RTN4: variants seen among roughly 807,000 people sequenced by gnomAD.
RTN4 encodes reticulon-4.
RTN4 carries 32 observed loss-of-function variants against 90.4 expected under a neutral mutation model. That is an observed-to-expected ratio of 0.35 (90% CI 0.27 to 0.48). The LOEUF is 0.48. Ranked by LOEUF, RTN4 falls within the 20% of genes least tolerant of loss-of-function variation. The pLI is 0.99. For synonymous variants in RTN4, 629 were observed against 552.5 expected (o/e 1.14, Z -1.94); for missense variants, 1,706 against 1,430.2 (o/e 1.19, Z -3.11).
At chr2:55,056,066 C>T (rs957314617) in intron 2 of RTN4, among the ~76,000 whole-genome samples, 7 of 151,476 alleles carry the variant, frequency 4.6e-5, no homozygotes, top group Middle Eastern at 3.4e-3. Context: ...TTTCACTTTC[C>T]GTGGTCTTAG....
At chr2:55,036,149 G>A (rs565054351) in intron 1 of RTN4, among the ~76,000 whole-genome samples, 9 of 152,140 alleles carry the variant, frequency 5.9e-5, no homozygotes, top group South Asian at 2.1e-4. Flanking sequence ...GATATAACAC[G>A]AAAATTAAAA....
intron 1 of RTN4, among the ~76,000 whole-genome samples, chr2:55,103,520 G>A (rs1667889585): frequency 6.6e-6 from 1 of 151,966 alleles, no homozygotes; most frequent in Non-Finnish European, 1.5e-5. Context: ...TAATAATAAA[G>A]GGGCTGGGAG....
In RTN4 at chr2:55,025,670, G is replaced by A. The variant is rs1681791338; in HGVS notation, c.2429C>T (p.Thr810Ile). 6.2e-7 allele frequency: 1 copy of A among 1,613,780 alleles called. No individual in the cohort carries two copies. Among genetic ancestry groups the A allele is most frequent in the African/African-American group, 1.3e-5 (1 of 75,016 alleles). ...TTCATCAGGTAACAGGGTATCTTTT[G>A]TGTTATCTAAACTGAGCTTAAAAGA... ...LESFKLSLDN[T>I]KDTLLPDEVS... The change falls in exon 3 of 9, where the codon ACA (threonine) becomes ATA (isoleucine). Residue 810 changes from threonine to isoleucine, a missense_variant. Transcript: ENST00000337526.
chr2:54,988,169 TA>T (rs927864534), intron 3 of RTN4, among the ~76,000 whole-genome samples: 1 of 151,714 alleles, frequency 6.6e-6, no homozygotes, highest in Admixed American at 6.6e-5. Flanking sequence ...ATACAAAAAT[TA>T]GTGAGGCATG....
chr2:55,025,391 G>A lies in RTN4; in HGVS notation c.2708C>T (p.Ala903Val), dbSNP rs1025050894. ...EVSHKSEIAN[A>V]PDGAGSLPCT... Reference sequence around the variant, plus strand: ...AGGCAATGACCCAGCTCCATCCGGGGCATTAGCAATTTCACTTTTGTGGGA... The same window carrying A: ...AGGCAATGACCCAGCTCCATCCGGGACATTAGCAATTTCACTTTTGTGGGA... The change falls in exon 3 of 9, where the codon GCC (alanine) becomes GTC (valine). Residue 903 changes from alanine (A) to valine (V), a missense_variant. Transcript: ENST00000337526. 1.9e-6 allele frequency: 3 copies of A among 1,613,864 alleles called. No individual in the cohort carries two copies. The highest frequency in any genetic ancestry group is 2.2e-5 in the East Asian group (1 of 44,876).
chr2:54,991,638 G>A (rs976665987), intron 3 of RTN4, among the ~76,000 whole-genome samples: 8 of 152,142 alleles, frequency 5.3e-5, no homozygotes, highest in Non-Finnish European at 1.2e-4. Context: ...CCCTGTCAGT[G>A]GATCCAAACC....
chr2:55,008,055 A>G (rs1680362671), intron 3 of RTN4, among the ~76,000 whole-genome samples: 2 of 152,154 alleles, frequency 1.3e-5, no homozygotes, highest in South Asian at 4.2e-4. Context: ...TAAACAGAAA[A>G]TATGAAGAAT....
intron 1 of RTN4, among the ~76,000 whole-genome samples, chr2:55,101,833 A>C (rs188951693): frequency 9.9e-5 from 15 of 152,282 alleles, no homozygotes; most frequent in African/African-American, 2.6e-4. Context: ...TTTTCACTAC[A>C]TAAGAGCTAA....
At position 55,096,065 on chromosome 2, in the gene RTN4, A is replaced by C. The variant is rs138548716; in HGVS notation, c.-213-15426T>G. The stretch of plus-strand genomic sequence containing the variant: ...CATGCTGGGCCGGGTATGGTGGCTC[A>C]CGCCTGTTCCTAGCACTTTGGGAGG... On this transcript the variant is annotated intron_variant, in intron 1 of 3. Transcript: ENST00000427710. Among the ~76,000 whole-genome samples the C allele has an allele frequency of 2.0e-3, 302 of 152,178 alleles. 3 individuals carry two copies. The East Asian group carries it at 0.032, about 16-fold the overall frequency.
upstream of RTN4, among the ~76,000 whole-genome samples, chr2:55,115,638 G>C (rs939809603): frequency 6.6e-6 from 1 of 152,214 alleles, no homozygotes; most frequent in Non-Finnish European, 1.5e-5. Flanking sequence ...GCCCAAGAAA[G>C]CAGTCTGCTC....
intron 3 of RTN4, among the ~76,000 whole-genome samples, chr2:55,017,079 CA>C (rs1045362939): frequency 6.6e-6 from 1 of 152,066 alleles, no homozygotes; most frequent in African/African-American, 2.4e-5. Flanking sequence ...CCTTTATTAA[CA>C]AGAGTCAGGT....
rs147993293 is a variant in RTN4 at position 55,007,794 on chromosome 2, A to G, written c.3013+17292T>C. 4.2e-3 allele frequency among the ~76,000 whole-genome samples: 639 copies of G among 152,196 alleles called. 7 individuals are homozygous for G. The highest frequency in any genetic ancestry group is 0.015 in the African/African-American group (619 of 41,548). On this transcript the variant is annotated intron_variant, in intron 3 of 8. Transcript: ENST00000337526. ...CTAATCTAGTTCATCTAAATTTTCT[A>G]CATTCCTTGACCACACCAATCTTAT...
chr2:55,031,472 C>A (rs1185328639), intron 1 of RTN4, among the ~76,000 whole-genome samples: 1 of 152,200 alleles, frequency 6.6e-6, no homozygotes, highest in Non-Finnish European at 1.5e-5. Context: ...CCTCTTAAAC[C>A]TCTGGGTGAA....
intron 3 of RTN4, among the ~76,000 whole-genome samples, chr2:55,021,053 A>G (rs1022037157): frequency 1.2e-4 from 18 of 152,216 alleles, no homozygotes; most frequent in Non-Finnish European, 1.5e-5. Flanking sequence ...TTAGTATTTT[A>G]TTATTTAATA....
At chr2:54,975,298 G>C (rs903725338) in intron 5 of RTN4, among the ~76,000 whole-genome samples, 3 of 152,198 alleles carry the variant, frequency 2.0e-5, no homozygotes, top group East Asian at 1.9e-4. Context: ...TCTGAATTTT[G>C]TTAAACATTG....
chr2:55,049,189 A>G, intron 1 of RTN4: 3 of 986,442 alleles, frequency 3.0e-6, no homozygotes, highest in African/African-American at 3.5e-5. Context: ...CCCCACGAGC[A>G]CAGGAGGAGG....
chr2:54,991,812 T>C (rs1433833409), intron 3 of RTN4, among the ~76,000 whole-genome samples: 1 of 152,236 alleles, frequency 6.6e-6, no homozygotes, highest in African/African-American at 2.4e-5. Flanking sequence ...GTACCAGACA[T>C]TATTAAAACT....
At chr2:55,006,854 C>A (rs540436144) in intron 3 of RTN4, among the ~76,000 whole-genome samples, 2 of 152,198 alleles carry the variant, frequency 1.3e-5, no homozygotes, top group South Asian at 4.1e-4. Context: ...TCTAGAACCT[C>A]CTCATTTTCC....
intron 2 of RTN4, among the ~76,000 whole-genome samples, chr2:55,070,406 C>T (rs1159261576): frequency 6.6e-5 from 10 of 151,824 alleles, no homozygotes; most frequent in African/African-American, 2.2e-4. Flanking sequence ...ATTAACCAGG[C>T]ATGGTGGCTC....
Sources: gnomAD v4.1 joint callset for allele counts (sites outside exome capture counted in the v4.1 genomes callset) on GRCh38, gnomAD v4.1.1 for gene constraint, MANE v1.5 for transcripts, NCBI Gene and HGNC (gene_info 2026-07-23, HGNC 2026-07-21) for gene names.